Variants in SCLT1 observed in about 807,000 individuals in gnomAD.
SCLT1 encodes sodium channel-associated protein 1.
A neutral mutation model predicts 112.8 loss-of-function variants in SCLT1; 78 were observed. The ratio of observed to expected loss-of-function variants is 0.69; its 90% CI spans 0.58 to 0.83. The LOEUF is 0.83. Among genes scored for constraint, SCLT1 ranks in the 40% least tolerant of loss-of-function variants. The pLI, the probability that SCLT1 is intolerant of heterozygous loss-of-function variation, is 0.00. For synonymous variants in SCLT1, 257 were observed against 254.7 expected, an observed-to-expected ratio of 1.01 and a Z score of -0.09; for missense variants, 747 against 770.4, an observed-to-expected ratio of 0.97 and a Z score of 0.36.
intron 16 of SCLT1, among the ~76,000 whole-genome samples, chr4:128,943,451 C>T (rs1737883410): frequency 6.6e-6 from 1 of 152,062 alleles, no homozygotes; most frequent in Non-Finnish European, 1.5e-5. Flanking sequence ...AGACTTCTTT[C>T]AAATTTGTAC....
At chr4:128,976,597 T>A (rs760131658) in intron 9 of SCLT1, among the ~76,000 whole-genome samples, 37 of 152,120 alleles carry the variant, frequency 2.4e-4, no homozygotes, top group Non-Finnish European at 4.6e-4. Context: ...ATTTAAACTT[T>A]CAGCTCAATG....
At position 129,066,475 on chromosome 4, in the gene SCLT1, T is replaced by G. The variant is rs139277817; in HGVS notation, c.102+15831A>C. On this transcript the variant is annotated intron_variant, in intron 2 of 20. Coordinates refer to ENST00000281142, the MANE Select transcript of SCLT1 (RefSeq NM_144643.4). ...CACTCTTATAGACCATGAATTAGAA[T>G]GAAAATTATTGCAACCACCTCCAGC... Among the ~76,000 whole-genome samples, 5 of 152,148 alleles carry G rather than the reference T, an allele frequency of 3.3e-5. No individual in the cohort carries two copies. In the South Asian group the frequency reaches 1.0e-3, roughly 31 times the overall value.
intron 1 of SCLT1, among the ~76,000 whole-genome samples, chr4:129,082,584 GA>G (rs35599856): frequency 0.088 from 13,422 of 151,986 alleles, 762 homozygotes; most frequent in South Asian, 0.15. Flanking sequence ...CTGCCAAAGT[GA>G]AAAAAATAAC....
intron 2 of SCLT1, among the ~76,000 whole-genome samples, chr4:129,073,422 A>G (rs893318122): frequency 2.0e-5 from 3 of 152,188 alleles, no homozygotes; most frequent in African/African-American, 4.8e-5. Flanking sequence ...CAAGTTTCTT[A>G]GGAATTGTTA....
chr4:128,969,564 T>G (rs1740505302), intron 10 of SCLT1, among the ~76,000 whole-genome samples: 1 of 151,328 alleles, frequency 6.6e-6, no homozygotes, highest in Non-Finnish European at 1.5e-5. Flanking sequence ...ACAGCGAGAC[T>G]CTGACTCAAA....
At chr4:129,019,528 C>T (rs756040460) in intron 5 of SCLT1, among the ~76,000 whole-genome samples, 1 of 152,054 alleles carries the variant, frequency 6.6e-6, no homozygotes, top group Non-Finnish European at 1.5e-5. Context: ...GAGAGTCAGA[C>T]AAATATAGTG....
chr4:128,978,024 G>C (rs1228571102), intron 9 of SCLT1, among the ~76,000 whole-genome samples: 3 of 152,152 alleles, frequency 2.0e-5, no homozygotes, highest in Non-Finnish European at 2.9e-5. Flanking sequence ...AACACGAGCA[G>C]ATGTAGAGAT....
chr4:128,973,723 C>A, intron 9 of SCLT1, among the ~76,000 whole-genome samples: 1 of 151,974 alleles, frequency 6.6e-6, no homozygotes. Flanking sequence ...AAAATAGGCA[C>A]TGGACTTAGA....
intron 9 of SCLT1, among the ~76,000 whole-genome samples, chr4:128,976,302 T>C (rs1348074719): frequency 6.6e-6 from 1 of 152,216 alleles, no homozygotes; most frequent in Non-Finnish European, 1.5e-5. Flanking sequence ...GTATATTCAC[T>C]GTCTTAAATT....
intron 5 of SCLT1, among the ~76,000 whole-genome samples, chr4:129,019,724 A>C (rs182611211): frequency 9.0e-4 from 136 of 151,884 alleles, no homozygotes; most frequent in African/African-American, 3.2e-3. Flanking sequence ...GCCTCACCTC[A>C]CCTGACAGAT....
At position 128,928,378 on chromosome 4, in the gene SCLT1, A is replaced by C. The variant is rs933247032; in HGVS notation, c.1829+8277T>G. On this transcript the variant is annotated intron_variant, in intron 18 of 20. Transcript: ENST00000281142. ...ATATTAAATAAAATTCTAACAAATCAAATCCAGAAATATATATAAGGAGAA... is the reference window on the plus strand; with the variant it reads ...ATATTAAATAAAATTCTAACAAATCCAATCCAGAAATATATATAAGGAGAA... Among the ~76,000 whole-genome samples the C allele has an allele frequency of 3.3e-5, 5 of 152,288 alleles. No individual in the cohort carries two copies. In the East Asian group the frequency reaches 9.6e-4, roughly 29 times the overall value.
chr4:128,955,321 C>A (rs1485010182), intron 13 of SCLT1, among the ~76,000 whole-genome samples: 2 of 152,054 alleles, frequency 1.3e-5, no homozygotes, highest in African/African-American at 4.8e-5. Context: ...ATAGTAAGGA[C>A]ATTTATAAAC....
At chr4:129,050,238 T>G (rs890388965) in intron 2 of SCLT1, among the ~76,000 whole-genome samples, 1 of 152,182 alleles carries the variant, frequency 6.6e-6, no homozygotes, top group Non-Finnish European at 1.5e-5. Flanking sequence ...TTATAATACT[T>G]TAGGTATATA....
chr4:128,889,315 C>G (rs907507387), intron 19 of SCLT1, among the ~76,000 whole-genome samples: 5 of 152,234 alleles, frequency 3.3e-5, no homozygotes, highest in African/African-American at 9.6e-5. Context: ...TAGGGTGGAC[C>G]ATAATCCATA....
chr4:128,962,623 C>G (rs572404015), intron 11 of SCLT1, among the ~76,000 whole-genome samples: 2 of 152,254 alleles, frequency 1.3e-5, no homozygotes, highest in African/African-American at 2.4e-5. Flanking sequence ...CAACCCTGCT[C>G]TCGCATATTC....
At chr4:128,885,766 A>G (rs1732848021) in intron 20 of SCLT1, among the ~76,000 whole-genome samples, 1 of 152,234 alleles carries the variant, frequency 6.6e-6, no homozygotes, top group Non-Finnish European at 1.5e-5. Context: ...ATGTGCTTAT[A>G]TCAATAATAT....
At chr4:129,039,001 G>C in intron 5 of SCLT1, 40 bp downstream of exon 5, 1 of 1,198,150 alleles carries the variant, frequency 8.3e-7, no homozygotes, top group African/African-American at 1.5e-5. Context: ...AGTTACCTAA[G>C]ACAATAATAA....
At chr4:129,015,848 T>G (rs1744943095) in intron 5 of SCLT1, among the ~76,000 whole-genome samples, 1 of 152,138 alleles carries the variant, frequency 6.6e-6, no homozygotes. Context: ...CCACTCTCAG[T>G]GCCTTCCTTC....
intron 18 of SCLT1, among the ~76,000 whole-genome samples, chr4:128,897,585 CCAT>C (rs1445781029): frequency 6.6e-6 from 1 of 151,832 alleles, no homozygotes; most frequent in African/African-American, 2.4e-5. Flanking sequence ...ATTGTAAAGA[CCAT>C]CGAGGCTAGG....
Sources: gnomAD v4.1 joint callset for allele counts (sites outside exome capture counted in the v4.1 genomes callset) on GRCh38, gnomAD v4.1.1 for gene constraint, MANE v1.5 for transcripts, NCBI Gene and HGNC (gene_info 2026-07-23, HGNC 2026-07-21) for gene names.